The following INSL6 variants were observed in gnomAD, a reference collection of about 807,000 sequenced individuals.
INSL6 encodes the protein insulin-like peptide INSL6.
Under a neutral mutation model 9.4 loss-of-function variants are expected in INSL6, and 16 were observed. The observed-to-expected ratio is 1.70, with a 90% CI of 1.15 to 2.59. The LOEUF (loss-of-function observed/expected upper bound fraction) is 2.59. Among genes scored for constraint, INSL6 ranks in the 30% most tolerant of loss-of-function variants. The pLI is 0.00. For synonymous variants in INSL6, 154 were observed against 96.9 expected (o/e 1.59, Z -3.46); for missense variants, 391 against 257.3 (o/e 1.52, Z -3.56).
chr9:5,180,100 T>G (rs992614881), intron 1 of INSL6, among the ~76,000 whole-genome samples: 2 of 152,242 alleles, frequency 1.3e-5, no homozygotes, highest in Non-Finnish European at 2.9e-5. Context: ...GCTGGAGCCA[T>G]GGCAGAGGAA....
intron 2 of INSL6, among the ~76,000 whole-genome samples, chr9:5,156,344 C>G (rs1025764197): frequency 1.3e-5 from 2 of 152,136 alleles, no homozygotes; most frequent in Non-Finnish European, 2.9e-5. Context: ...TAGCAGGCCC[C>G]CATTACTCTG....
the INSL6 span, chr9:5,064,921 C>A: frequency 1.3e-6 from 2 of 1,593,860 alleles, no homozygotes; most frequent in South Asian, 1.1e-5. Flanking sequence ...CTTTGTCTTT[C>A]GTGTCATTAA....
the INSL6 span, chr9:5,077,425 T>A: frequency 2.4e-6 from 2 of 831,432 alleles, no homozygotes; most frequent in Admixed American, 3.5e-5. Context: ...ACTTAAGCCT[T>A]ATTATTATTA....
chr9:5,182,695 T>C (rs1825484175), intron 1 of INSL6, among the ~76,000 whole-genome samples: 1 of 152,082 alleles, frequency 6.6e-6, no homozygotes, highest in Non-Finnish European at 1.5e-5. Flanking sequence ...AATATGGGAA[T>C]ATGATTAATC....
At chr9:5,037,493 G>A in the INSL6 span, among the ~76,000 whole-genome samples, 2 of 152,196 alleles carry the variant, frequency 1.3e-5, no homozygotes, top group African/African-American at 4.8e-5. Flanking sequence ...TTAAGAAAAT[G>A]TGGCACATAT....
chr9:5,095,048 G>C, the INSL6 span: 1 of 146,056 alleles, frequency 6.8e-6, no homozygotes, highest in Admixed American at 6.9e-5. Flanking sequence ...GAATTACTTT[G>C]ATAGAGTAAA....
intron 2 of INSL6, among the ~76,000 whole-genome samples, chr9:5,144,377 G>T (rs1824557992): frequency 6.6e-6 from 1 of 152,142 alleles, no homozygotes; most frequent in Non-Finnish European, 1.5e-5. Context: ...CCGTTTGTAT[G>T]ATTTCAGTTC....
At chr9:5,047,826 C>G in the INSL6 span, among the ~76,000 whole-genome samples, 38 of 151,952 alleles carry the variant, frequency 2.5e-4, no homozygotes, top group Admixed American at 2.4e-3. Context: ...GTTTCAAACA[C>G]CTGGCTTCAA....
intron 1 of INSL6, among the ~76,000 whole-genome samples, chr9:5,177,324 T>C (rs938393564): frequency 6.6e-6 from 1 of 152,122 alleles, no homozygotes; most frequent in Admixed American, 6.5e-5. Flanking sequence ...GGTGAGTGAT[T>C]GTGCCACCCC....
chr9:5,034,521 A>G, the INSL6 span, among the ~76,000 whole-genome samples: 1 of 152,072 alleles, frequency 6.6e-6, no homozygotes, highest in Admixed American at 6.5e-5. Context: ...AAAAGAACAG[A>G]AATTATAACA....
the INSL6 span, chr9:5,090,808 A>C: frequency 6.2e-7 from 1 of 1,613,536 alleles, no homozygotes; most frequent in African/African-American, 1.3e-5. Context: ...ATTGGTGGAG[A>C]ACGAGAACAG....
chr9:5,093,620 G>T, the INSL6 span, among the ~76,000 whole-genome samples: 1 of 151,992 alleles, frequency 6.6e-6, no homozygotes, highest in Non-Finnish European at 1.5e-5. Context: ...TTTTGGTTGG[G>T]GTGACCTCAT....
chr9:5,079,384 T>G, the INSL6 span, among the ~76,000 whole-genome samples: 1 of 152,162 alleles, frequency 6.6e-6, no homozygotes, highest in Non-Finnish European at 1.5e-5. Context: ...CACAGAAACT[T>G]TACTTGAGAA....
At chr9:5,103,202 C>T in the INSL6 span, among the ~76,000 whole-genome samples, 45 of 52,538 alleles carry the variant, frequency 8.6e-4, no homozygotes, top group Admixed American at 1.2e-3. Flanking sequence ...GGAGGAAGAT[C>T]TACCAAGCAA....
At chr9:5,032,817 G>A in the INSL6 span, among the ~76,000 whole-genome samples, 2 of 152,124 alleles carry the variant, frequency 1.3e-5, no homozygotes, top group Non-Finnish European at 2.9e-5. Flanking sequence ...AGAAAAACTG[G>A]AAACTCTAAA....
At chr9:5,033,933 G>C in the INSL6 span, among the ~76,000 whole-genome samples, 191 of 152,244 alleles carry the variant, frequency 1.3e-3, no homozygotes, top group Non-Finnish European at 2.2e-3. Context: ...CCAATTAAAA[G>C]ACACAGACTG....
chr9:5,086,211 G>A, the INSL6 span: 7 of 590,084 alleles, frequency 1.2e-5, no homozygotes, highest in East Asian at 2.5e-4. Context: ...CGCCACCAGC[G>A]CGAGGCCACG....
chr9:5,005,593 T>C, the INSL6 span, among the ~76,000 whole-genome samples: 3 of 152,224 alleles, frequency 2.0e-5, no homozygotes, highest in African/African-American at 4.8e-5. Context: ...TTTCCAAATA[T>C]GTTTATGAGA....
the INSL6 span, among the ~76,000 whole-genome samples, chr9:5,074,189 T>C: frequency 0.25 from 38,728 of 152,010 alleles, 5,079 homozygotes; most frequent in South Asian, 0.31. Flanking sequence ...GAAATGATTA[T>C]GTTGATATGA....
Sources: allele counts gnomAD v4.1 joint callset (sites outside exome capture counted in the v4.1 genomes callset), GRCh38; gene constraint gnomAD v4.1.1; transcripts MANE v1.5; gene names NCBI Gene and HGNC (gene_info 2026-07-23, HGNC 2026-07-21).